The following MAST4 variants were observed in gnomAD, a reference collection of about 807,000 sequenced individuals.
MAST4 encodes microtubule associated serine/threonine kinase family member 4, also known as microtubule-associated serine/threonine-protein kinase 4.
Under a neutral mutation model 162.7 loss-of-function variants are expected in MAST4, and 89 were observed. That is an observed-to-expected ratio of 0.55 (90% CI 0.46 to 0.65). The LOEUF (loss-of-function observed/expected upper bound fraction) is 0.65, where lower values mean the gene tolerates loss of function less well. Ranked by LOEUF, MAST4 falls within the 30% of genes least tolerant of loss-of-function variation. The probability of loss-of-function intolerance (pLI) is 0.00; values close to 1 mark genes in which losing one functional copy is unlikely to be tolerated. For missense variants in MAST4, 3,153 were observed against 3,374.0 expected (o/e 0.93, Z 1.62); for synonymous variants, 1,479 against 1,361.1 (o/e 1.09, Z -1.91).
At chr5:66,864,502 A>G (rs1006971864) in intron 3 of MAST4, among the ~76,000 whole-genome samples, 5 of 152,156 alleles carry the variant, frequency 3.3e-5, no homozygotes, top group African/African-American at 1.2e-4. Flanking sequence ...GAGGAAAGTG[A>G]CATGGTTTGT....
intron 16 of MAST4, among the ~76,000 whole-genome samples, chr5:67,132,661 C>G (rs1262609808): frequency 6.6e-6 from 1 of 152,018 alleles, no homozygotes; most frequent in Non-Finnish European, 1.5e-5. Context: ...AGCTATTCAT[C>G]TTGACATCAT....
At chr5:66,669,817 G>A (rs1747494588) in intron 1 of MAST4, among the ~76,000 whole-genome samples, 1 of 152,172 alleles carries the variant, frequency 6.6e-6, no homozygotes, top group African/African-American at 2.4e-5. Context: ...TTGCTTTTGG[G>A]CTGGGTTACT....
intron 4 of MAST4, chr5:67,001,531 C>G (rs1028193041): frequency 3.9e-5 from 6 of 152,064 alleles, no homozygotes; most frequent in Non-Finnish European, 8.8e-5. Context: ...TCTGTAGAGG[C>G]TTTCTCAAAA....
At chr5:66,875,550 T>C (rs999593560) in intron 3 of MAST4, among the ~76,000 whole-genome samples, 2 of 152,216 alleles carry the variant, frequency 1.3e-5, no homozygotes, top group African/African-American at 4.8e-5. Flanking sequence ...GAAGATTAAA[T>C]GAGATAATGC....
intron 1 of MAST4, among the ~76,000 whole-genome samples, chr5:66,698,385 C>A (rs1183356375): frequency 6.6e-6 from 1 of 151,670 alleles, no homozygotes; most frequent in Non-Finnish European, 1.5e-5. Flanking sequence ...CCCACTCCTG[C>A]CCCCTCCCTT....
At chr5:66,809,581 A>G (rs1207568724) in intron 3 of MAST4, among the ~76,000 whole-genome samples, 1 of 152,226 alleles carries the variant, frequency 6.6e-6, no homozygotes, top group African/African-American at 2.4e-5. Flanking sequence ...TGACATTTTT[A>G]TAAGAAGTGA....
At chr5:66,990,465 C>T (rs1041901003) in intron 4 of MAST4, among the ~76,000 whole-genome samples, 7 of 152,190 alleles carry the variant, frequency 4.6e-5, no homozygotes, top group South Asian at 2.1e-4. Flanking sequence ...AGGGAGACCT[C>T]GTCTCTACAT....
chr5:66,919,712 G>A (rs1245404766), intron 4 of MAST4, among the ~76,000 whole-genome samples: 7 of 148,888 alleles, frequency 4.7e-5, no homozygotes, highest in African/African-American at 1.5e-4. Context: ...ACCTTCTCTA[G>A]TACTCATATA....
Position 66,782,694 on chromosome 5 carries a change from T to G in MAST4, c.518-5976T>G, listed in dbSNP as rs78159393. On this transcript the variant is annotated intron_variant, in intron 2 of 28. Transcript: ENST00000403625. ...CCAAAGAACACAGAGCTAATCCAGT[T>G]TCAATTGTAACAACAAGCTCAATTT... 4.0e-3 allele frequency among the ~76,000 whole-genome samples: 611 copies of G among 152,324 alleles called. 5 individuals are homozygous for G. Among genetic ancestry groups the G allele is most frequent in the African/African-American group, 0.014 (581 of 41,570 alleles).
Position 67,163,738 on chromosome 5 carries a change from G to A in MAST4, c.4559G>A (p.Arg1520His). The A allele has an allele frequency of 1.2e-6, 2 of 1,609,014 alleles. No individual in the cohort carries two copies. Among genetic ancestry groups the A allele is most frequent in the Non-Finnish European group, 1.7e-6 (2 of 1,177,898 alleles). The change falls in exon 29 of 29, where the codon CGC becomes CAC. Residue 1520 changes from arginine (R) to histidine (H), a missense_variant. Coordinates refer to ENST00000403625, the MANE Select transcript of MAST4 (RefSeq NM_001164664.2). The surrounding 1 kb of genome is among the most constrained non-coding windows in gnomAD (Gnocchi z 7.0). ...LKRPVSRKVG[R>H]QESVDDLDRD... Reference sequence around the variant, plus strand: ...CGCCCAGTCTCCCGGAAGGTGGGCCGCCAGGAGTCTGTGGACGACCTGGAC... The same window carrying A: ...CGCCCAGTCTCCCGGAAGGTGGGCCACCAGGAGTCTGTGGACGACCTGGAC...
In MAST4 at chr5:67,104,858, A is replaced by AT. The variant is rs369598025; in HGVS notation, c.1356+289dup. Among the ~76,000 whole-genome samples, 106 of 152,216 alleles carry AT rather than the reference A, an allele frequency of 7.0e-4. 1 individual carries two copies. In the South Asian group the frequency reaches 0.012, roughly 17 times the overall value. The stretch of plus-strand genomic sequence containing the variant: ...GATTGTGAAGGATTTTGAAGCAGTG[A>AT]TTTTTTCCCCCTTTAACCATAAAGT... On this transcript the variant is annotated intron_variant, in intron 10 of 28. Coordinates refer to ENST00000403625, the MANE Select transcript of MAST4 (RefSeq NM_001164664.2).
intron 3 of MAST4, among the ~76,000 whole-genome samples, chr5:66,846,439 T>G (rs911164853): frequency 1.4e-4 from 22 of 152,166 alleles, no homozygotes; most frequent in African/African-American, 5.1e-4. Flanking sequence ...GAGAGGGATA[T>G]TAGTTCTTGA....
rs189238748 is a variant in MAST4 at position 66,664,739 on chromosome 5, T to C, written c.363+67721T>C. ...AAAACCCAGAATAGAAACCTACAAT[T>C]CAGAAAATGGGCACAGATTTTAAAA... On this transcript the variant is annotated intron_variant, in intron 1 of 28. Transcript: ENST00000403625. Among the ~76,000 whole-genome samples, 255 of 151,564 alleles carry C rather than the reference T, an allele frequency of 1.7e-3. No individual in the cohort carries two copies. In the Middle Eastern group the frequency reaches 0.02, roughly 12 times the overall value.
At chr5:66,739,303 T>G (rs1377805114) in intron 1 of MAST4, among the ~76,000 whole-genome samples, 1 of 152,234 alleles carries the variant, frequency 6.6e-6, no homozygotes, top group Non-Finnish European at 1.5e-5. Context: ...AGTCGCATCT[T>G]TCTTCGGTTG....
chr5:66,683,044 C>T (rs547971197), intron 1 of MAST4, among the ~76,000 whole-genome samples: 2 of 152,236 alleles, frequency 1.3e-5, no homozygotes, highest in South Asian at 4.2e-4. Context: ...CTGGAGCAGT[C>T]CTACACCCAG....
At chr5:66,733,901 G>T (rs976064119) in intron 1 of MAST4, among the ~76,000 whole-genome samples, 1 of 152,128 alleles carries the variant, frequency 6.6e-6, no homozygotes, top group African/African-American at 2.4e-5. Flanking sequence ...TCTTAGTATG[G>T]TTTGCAGTTA....
chr5:66,827,531 A>G (rs1479226353), intron 3 of MAST4, among the ~76,000 whole-genome samples: 2 of 152,234 alleles, frequency 1.3e-5, no homozygotes, highest in Non-Finnish European at 1.5e-5. Context: ...ATTGAGAGCA[A>G]GCGTATTAGT....
chr5:66,827,360 C>A (rs1406123449), intron 3 of MAST4, among the ~76,000 whole-genome samples: 2 of 152,114 alleles, frequency 1.3e-5, no homozygotes, highest in Non-Finnish European at 2.9e-5. Context: ...GGAAAAACAC[C>A]CTGACACCCT....
At chr5:66,606,937 A>C (rs6894509) in intron 1 of MAST4, among the ~76,000 whole-genome samples, 15,828 of 151,750 alleles carry the variant, frequency 0.1, 1,379 homozygotes, top group African/African-American at 0.23. Context: ...TAAATATTAA[A>C]TGAGTATATG....
Sources: allele counts gnomAD v4.1 joint callset (sites outside exome capture counted in the v4.1 genomes callset), GRCh38; gene constraint gnomAD v4.1.1; non-coding constraint Gnocchi (gnomAD v3.1); transcripts MANE v1.5; gene names NCBI Gene and HGNC (gene_info 2026-07-23, HGNC 2026-07-21).